Variants in MBOAT7 observed in about 807,000 individuals in gnomAD.
MBOAT7 encodes membrane bound acylglycerophosphatidylinositol O-acyltransferase MBOAT7.
In MBOAT7, 40 loss-of-function variants were observed where a neutral mutation model predicts 47.4. That is an observed-to-expected ratio of 0.84 (90% CI 0.66 to 1.10). The LOEUF (loss-of-function observed/expected upper bound fraction) is 1.10. Ranked by LOEUF, MBOAT7 falls within the 50% of genes least tolerant of loss-of-function variation. MBOAT7 has a pLI of 0.00. For synonymous variants in MBOAT7, 361 were observed against 292.0 expected, an observed-to-expected ratio of 1.24 and a Z score of -2.41; for missense variants, 680 against 655.6, an observed-to-expected ratio of 1.04 and a Z score of -0.41.
intron 7 of MBOAT7, among the ~76,000 whole-genome samples, chr19:54,177,870 C>A (rs187405800): frequency 3.7e-4 from 55 of 149,386 alleles, no homozygotes; most frequent in African/African-American, 1.3e-3. Context: ...CAAGTGTGAG[C>A]CACCATGCCT....
Position 54,178,886 on chromosome 19 carries a change from A to C in MBOAT7, c.910T>G (p.Cys304Gly). 1 of 1,613,626 alleles carries C rather than the reference A, an allele frequency of 6.2e-7. No homozygotes were observed. The highest frequency in any genetic ancestry group is 8.5e-7 in the Non-Finnish European group (1 of 1,180,024). ...YDYETIRNID[C>G]YSTDFCVRVR... The stretch of plus-strand genomic sequence containing the variant: ...CGCACGCAGAAATCTGTGCTGTAGC[A>C]GTCGATGTTGCGGATGGTCTCATAG... Residue 304 changes from cysteine (C) to glycine (G), a missense_variant, in exon 7 of 8, where the codon TGC (cysteine) becomes GGC (glycine). Coordinates refer to ENST00000245615, the MANE Select transcript of MBOAT7 (RefSeq NM_024298.5).
At chr19:54,183,795 G>T in intron 4 of MBOAT7, 115 bp from the exon 5 acceptor site, 2 of 1,070,556 alleles carry the variant, frequency 1.9e-6, no homozygotes, top group Non-Finnish European at 2.6e-6. Flanking sequence ...CCGCAGCTCT[G>T]CCCATCTAGG....
At chr19:54,175,019 A>G (rs916354968) in intron 7 of MBOAT7, among the ~76,000 whole-genome samples, 4 of 129,952 alleles carry the variant, frequency 3.1e-5, no homozygotes, top group East Asian at 2.4e-4. Flanking sequence ...TCTGTCGCCC[A>G]GGCTAGAGTG....
At position 54,178,245 on chromosome 19, in the gene MBOAT7, G is replaced by A; in HGVS notation, c.1031+520C>T. On this transcript the variant is annotated intron_variant, in intron 7 of 7. Coordinates refer to ENST00000245615, the MANE Select transcript of MBOAT7 (RefSeq NM_024298.5). ...TTCTAAAGGCTGCACAGATAACAGT[G>A]TCAAGCACAGAGTCTCCACTCGAGA... 5.0e-6 allele frequency: 5 copies of A among 993,918 alleles called. No homozygotes were observed. The South Asian group carries it at 1.8e-4, about 35-fold the overall frequency. The allele number at this position is 993,918 out of a possible 1,614,324, so 61.6% of individuals were successfully genotyped here.
At chr19:54,181,665 GGGAGGGAA>G (rs1190242586) in intron 5 of MBOAT7, among the ~76,000 whole-genome samples, 1 of 118,532 alleles carries the variant, frequency 8.4e-6, no homozygotes, top group Non-Finnish European at 1.7e-5. Context: ...GAAGAAAGAA[GGGAGGGAA>G]GGAGGGAAGG....
intron 3 of MBOAT7, among the ~76,000 whole-genome samples, 174 bp downstream of exon 3, chr19:54,188,043 A>AGACAGACAGACAGACAGACAGACAGAC (rs2076493247): frequency 2.7e-5 from 4 of 148,920 alleles, no homozygotes; most frequent in African/African-American, 1.0e-4. Context: ...GAAAGAAAGA[A>AGACAGACAGACAGACAGACAGACAGAC]AGAAAGAAAG....
intron 4 of MBOAT7, among the ~76,000 whole-genome samples, chr19:54,184,504 C>G (rs555210824): frequency 1.2e-3 from 181 of 152,216 alleles, no homozygotes; most frequent in African/African-American, 4.1e-3. Context: ...GAGACAAAGT[C>G]AGGAGAGGGA....
chr19:54,174,101 C>A lies in MBOAT7; in HGVS notation c.1362G>T (p.Arg454=). 1.2e-5 allele frequency: 19 copies of A among 1,607,034 alleles called. No homozygotes were observed. The highest frequency in any genetic ancestry group is 1.6e-5 in the Non-Finnish European group (19 of 1,177,312). ...TGGTGGGCTGGGATGCTGCCTTCCG[C>A]CGGCTGGGGCTGCCCCCACCTAAAG... The part of the protein sequence containing the change: ...GLALGGGSPS[R]RKAASQPTSL... The change falls in exon 8 of 8, where the codon CGG becomes CGT. Residue 454 remains arginine (R), a synonymous_variant. Coordinates refer to ENST00000245615, the MANE Select transcript of MBOAT7 (RefSeq NM_024298.5).
Position 54,181,008 on chromosome 19 carries a change from G to A in MBOAT7, c.619C>T (p.Leu207Phe). The change falls in exon 6 of 8, where the codon CTC becomes TTC. Residue 207 changes from leucine to phenylalanine, a missense_variant. Physicochemically the swap from Leu to Phe is conservative, Grantham distance 22. Transcript: ENST00000245615. ...PAPLFGLLFLLSSHLFPLEAV... is the reference protein window; with the variant it reads ...PAPLFGLLFLFSSHLFPLEAV... ...TCCAGCGGGAAGAGGTGAGAGGAGA[G>A]CAGGAACAGCAGGCCGAAGAGCGGG... The A allele has an allele frequency of 1.3e-6, 2 of 1,557,644 alleles. No individual in the cohort carries two copies. Among genetic ancestry groups the A allele is most frequent in the African/African-American group, 1.4e-5 (1 of 74,038 alleles).
In MBOAT7 at chr19:54,179,241, A is replaced by T. The variant is rs565465418; in HGVS notation, c.855-300T>A. The T allele has an allele frequency of 1.2e-5, 6 of 500,526 alleles. No homozygotes were observed. The South Asian group carries it at 1.8e-4, about 15-fold the overall frequency. 31.0% of individuals were successfully genotyped at this position (500,526 alleles called of 1,614,324 possible). On this transcript the variant is annotated intron_variant, in intron 6 of 7. Transcript: ENST00000245615. ...GAAGGGCTATGGTTGCTAAGCTATGAGTCCTTTAGCAACCAAGCTCAGTAT... is the reference window on the plus strand; with the variant it reads ...GAAGGGCTATGGTTGCTAAGCTATGTGTCCTTTAGCAACCAAGCTCAGTAT...
intron 3 of MBOAT7, 44 bp downstream of exon 3, chr19:54,188,173 C>G (rs199827060): frequency 3.2e-6 from 5 of 1,542,196 alleles, no homozygotes; most frequent in Non-Finnish European, 4.4e-6. Flanking sequence ...GGTTGCTTCC[C>G]CCTCTCCCCT....
At chr19:54,175,189 A>T (rs62132543) in intron 7 of MBOAT7, among the ~76,000 whole-genome samples, 8 of 152,102 alleles carry the variant, frequency 5.3e-5, no homozygotes, top group Admixed American at 1.3e-4. Flanking sequence ...CGTGTTAGCC[A>T]GGATGGTCTC....
intron 7 of MBOAT7, among the ~76,000 whole-genome samples, chr19:54,175,879 C>T (rs1031717437): frequency 5.9e-5 from 9 of 152,218 alleles, no homozygotes; most frequent in Admixed American, 5.9e-4. Context: ...TGCCCACCAC[C>T]ATGCCAGGCT....
chr19:54,175,177 A>T (rs375821979), intron 7 of MBOAT7, among the ~76,000 whole-genome samples: 4 of 151,890 alleles, frequency 2.6e-5, no homozygotes. Context: ...ACGGGGTTTC[A>T]CCGTGTTAGC....
rs1287318968 is a variant in MBOAT7, at chr19:54,183,662, C to T, written c.352G>A (p.Glu118Lys). The T allele has an allele frequency of 6.3e-7, 1 of 1,581,058 alleles. No homozygotes were observed. Among genetic ancestry groups the T allele is most frequent in the Non-Finnish European group, 8.6e-7 (1 of 1,164,186 alleles). Reference protein sequence around the residue: ...LTLKLVSLASEVQDLHLAQRK... With the variant: ...LTLKLVSLASKVQDLHLAQRK... The stretch of plus-strand genomic sequence containing the variant: ...TGGGCCAGATGCAGGTCCTGGACTT[C>T]ACTGGCCAGGCTCACCAGCTGGGCA... The change falls in exon 5 of 8, where the codon GAA (glutamate) becomes AAA (lysine). Residue 118 changes from glutamate to lysine, a missense_variant. By Grantham distance (56) the Glu-to-Lys change is moderately conservative. Coordinates refer to ENST00000245615, the MANE Select transcript of MBOAT7 (RefSeq NM_024298.5).
intron 3 of MBOAT7, 88 bp from the exon 4 acceptor site, chr19:54,187,375 C>T (rs1362460997): frequency 4.2e-6 from 6 of 1,437,606 alleles, no homozygotes; most frequent in Non-Finnish European, 5.6e-6. Flanking sequence ...CAATCCTCCC[C>T]CAGCTCTCCC....
intron 5 of MBOAT7, among the ~76,000 whole-genome samples, chr19:54,182,230 T>C (rs746467318): frequency 2.0e-4 from 31 of 151,302 alleles, no homozygotes; most frequent in Non-Finnish European, 1.6e-4. Context: ...CAATGTAGCA[T>C]GGGAAGATAA....
Position 54,178,102 on chromosome 19 carries a change from G to A in MBOAT7, c.1031+663C>T, listed in dbSNP as rs566000452. ...ATTTTTTGTATTTTTAGTAGAGACA[G>A]CATGTCACCATGTTGGTCAGGCTGG... On this transcript the variant is annotated intron_variant, in intron 7 of 7. Coordinates refer to ENST00000245615, the MANE Select transcript of MBOAT7 (RefSeq NM_024298.5). 3.3e-5 allele frequency among the ~76,000 whole-genome samples: 5 copies of A among 151,130 alleles called. No individual in the cohort carries two copies. In the South Asian group the frequency reaches 1.0e-3, roughly 32 times the overall value.
At position 54,178,837 on chromosome 19, in the gene MBOAT7, C is replaced by T. The variant is rs1420980292; in HGVS notation, c.959G>A (p.Trp320Ter). ...CVRVRDGMRY[W>*]NMTVQWWLAQ... ...CAGCCACCACTGCACCGTCATGTTC[C>T]AGTACCGCATGCCATCGCGCACCCG... The change falls in exon 7 of 8, where the codon TGG becomes TAG. Residue 320 changes from tryptophan (W) to a stop codon, truncating the protein, a stop_gained. Transcript: ENST00000245615. LOFTEE classifies it high-confidence loss of function. 6.2e-7 allele frequency: 1 copy of T among 1,613,686 alleles called. No individual in the cohort carries two copies. Among genetic ancestry groups the T allele is most frequent in the Admixed American group, 1.7e-5 (1 of 60,024 alleles).
Sources: gnomAD v4.1 joint callset for allele counts (sites outside exome capture counted in the v4.1 genomes callset) on GRCh38, gnomAD v4.1.1 for gene constraint, MANE v1.5 for transcripts, NCBI Gene and HGNC (gene_info 2026-07-23, HGNC 2026-07-21) for gene names.